STPG2: variants seen among roughly 807,000 people sequenced by gnomAD.
STPG2 encodes the protein sperm-tail PG-rich repeat-containing protein 2.
Under a neutral mutation model 54.2 loss-of-function variants are expected in STPG2, and 56 were observed. The ratio of observed to expected loss-of-function variants is 1.03; its 90% confidence interval spans 0.83 to 1.29. STPG2 has a LOEUF of 1.29. STPG2 is among the 50% of genes most tolerant of loss of function. The probability of loss-of-function intolerance (pLI) is 0.00; values close to 1 mark genes in which losing one functional copy is unlikely to be tolerated. For synonymous variants in STPG2, 200 were observed against 181.8 expected (o/e 1.10, Z -0.81); for missense variants, 596 against 544.9 (o/e 1.09, Z -0.93).
At chr4:97,898,053 T>C (rs1731028739) in intron 8 of STPG2, among the ~76,000 whole-genome samples, 1 of 152,192 alleles carries the variant, frequency 6.6e-6, no homozygotes, top group African/African-American at 2.4e-5. Flanking sequence ...CATTTAAGTC[T>C]TTAATCCATC....
At chr4:97,581,046 G>A (rs1039074269) in intron 10 of STPG2, among the ~76,000 whole-genome samples, 1 of 151,910 alleles carries the variant, frequency 6.6e-6, no homozygotes, top group African/African-American at 2.4e-5. Flanking sequence ...TGTAATGATG[G>A]TTAATTTTTC....
chr4:97,621,884 T>C (rs1279247897), intron 10 of STPG2, among the ~76,000 whole-genome samples: 1 of 152,152 alleles, frequency 6.6e-6, no homozygotes, highest in African/African-American at 2.4e-5. Flanking sequence ...TTCAACAAAA[T>C]ACTAGCAAAC....
At chr4:98,031,382 T>TA (rs1736591918) in intron 5 of STPG2, among the ~76,000 whole-genome samples, 1 of 151,962 alleles carries the variant, frequency 6.6e-6, no homozygotes, top group African/African-American at 2.4e-5. Flanking sequence ...AATGCAATTT[T>TA]AAAAAAAGTA....
At chr4:97,459,987 T>A (rs992558043) in intron 4 of STPG2, among the ~76,000 whole-genome samples, 27 of 152,200 alleles carry the variant, frequency 1.8e-4, no homozygotes, top group African/African-American at 6.0e-4. Flanking sequence ...GAAGCAACAT[T>A]ATGCTTCACT....
chr4:97,675,458 A>C (rs1023709687), intron 10 of STPG2, among the ~76,000 whole-genome samples: 3 of 152,192 alleles, frequency 2.0e-5, no homozygotes, highest in African/African-American at 7.2e-5. Flanking sequence ...GTCCAAAAGG[A>C]AAAGAAAAGA....
rs142932325 is a variant in STPG2 at position 97,884,160 on chromosome 4, A to G, written c.1045-43228T>C. ...GGAAAGGAAGGGAGAATTGCTTTGCACATTCACGGGTAATTGCAAGGAGTA... is the reference window on the plus strand; with the variant it reads ...GGAAAGGAAGGGAGAATTGCTTTGCGCATTCACGGGTAATTGCAAGGAGTA... On this transcript the variant is annotated intron_variant, in intron 8 of 10. Transcript: ENST00000295268. Among the ~76,000 whole-genome samples the G allele has an allele frequency of 6.7e-3, 1,026 of 152,292 alleles. 11 individuals are homozygous for G. Among genetic ancestry groups the G allele is most frequent in the Middle Eastern group, 6.8e-3 (2 of 292 alleles).
At chr4:97,546,835 G>T (rs1731843720) in intron 4 of STPG2, among the ~76,000 whole-genome samples, 1 of 152,108 alleles carries the variant, frequency 6.6e-6, no homozygotes, top group South Asian at 2.1e-4. Flanking sequence ...GAACAGAAAA[G>T]CTCTTGTTCT....
intron 8 of STPG2, among the ~76,000 whole-genome samples, chr4:97,900,463 G>A (rs1731133128): frequency 6.6e-6 from 1 of 151,716 alleles, no homozygotes; most frequent in Non-Finnish European, 1.5e-5. Context: ...CATAAAAACA[G>A]ATGCACATGA....
intron 7 of STPG2, among the ~76,000 whole-genome samples, chr4:97,959,253 C>T (rs1733797306): frequency 6.6e-6 from 1 of 151,948 alleles, no homozygotes; most frequent in South Asian, 2.1e-4. Flanking sequence ...GCCCTAAATG[C>T]CTACACCAAA....
chr4:97,498,614 C>A (rs1322400642), intron 4 of STPG2, among the ~76,000 whole-genome samples: 36 of 149,612 alleles, frequency 2.4e-4, no homozygotes, highest in African/African-American at 8.6e-4. Context: ...TAAAAAGCAA[C>A]CTGAAAAAAA....
intron 9 of STPG2, among the ~76,000 whole-genome samples, chr4:97,758,383 C>A (rs2149051240): frequency 6.6e-6 from 1 of 152,140 alleles, no homozygotes; most frequent in African/African-American, 2.4e-5. Context: ...AAATGCCCAT[C>A]AATGATAGGC....
At chr4:97,442,431 T>C (rs1372454987) in intron 4 of STPG2, among the ~76,000 whole-genome samples, 1 of 152,104 alleles carries the variant, frequency 6.6e-6, no homozygotes, top group Non-Finnish European at 1.5e-5. Context: ...AAAAAATTGT[T>C]TTTAATTAAA....
At chr4:98,061,894 C>T (rs560224060) in intron 5 of STPG2, among the ~76,000 whole-genome samples, 13 of 152,158 alleles carry the variant, frequency 8.5e-5, no homozygotes, top group Admixed American at 1.3e-4. Context: ...ATGGTGATTG[C>T]TCAAAGAGCT....
intron 8 of STPG2, among the ~76,000 whole-genome samples, chr4:97,855,487 T>C (rs927676359): frequency 9.9e-5 from 15 of 152,190 alleles, no homozygotes; most frequent in Admixed American, 6.6e-4. Context: ...GAAGTGTCTG[T>C]TCATGTCCTT....
intron 8 of STPG2, among the ~76,000 whole-genome samples, chr4:97,895,025 G>A (rs1053676803): frequency 2.0e-5 from 3 of 151,802 alleles, no homozygotes; most frequent in African/African-American, 7.3e-5. Context: ...AAATCACACA[G>A]CTCAAACAGA....
chr4:97,867,566 T>A (rs1031201954), intron 8 of STPG2, among the ~76,000 whole-genome samples: 3 of 152,066 alleles, frequency 2.0e-5, no homozygotes, highest in African/African-American at 7.2e-5. Context: ...TCCTTGCCTT[T>A]TTGTTTTACC....
chr4:97,926,531 T>C (rs926661244), intron 8 of STPG2, among the ~76,000 whole-genome samples: 2 of 152,278 alleles, frequency 1.3e-5, no homozygotes, highest in Admixed American at 6.5e-5. Flanking sequence ...AGAACCATTA[T>C]AAAGTCATGG....
At chr4:98,014,250 G>A (rs989557389) in intron 5 of STPG2, among the ~76,000 whole-genome samples, 5 of 152,112 alleles carry the variant, frequency 3.3e-5, no homozygotes, top group African/African-American at 9.7e-5. Flanking sequence ...TCAGGAGCAG[G>A]TTGTTCAATT....
chr4:97,883,386 T>C (rs1385886416), intron 8 of STPG2, among the ~76,000 whole-genome samples: 3 of 151,276 alleles, frequency 2.0e-5, no homozygotes, highest in Admixed American at 1.3e-4. Flanking sequence ...AGACCTTGTC[T>C]AAAATTTTTA....
Sources: gnomAD v4.1 joint callset for allele counts (sites outside exome capture counted in the v4.1 genomes callset) on GRCh38, gnomAD v4.1.1 for gene constraint, MANE v1.5 for transcripts, NCBI Gene and HGNC (gene_info 2026-07-23, HGNC 2026-07-21) for gene names.